Variants in RGS5 observed in about 807,000 individuals in gnomAD.
RGS5 encodes the protein regulator of G protein signaling 5.
In RGS5, 20 loss-of-function variants were observed where a neutral mutation model predicts 18.9. That is an observed-to-expected ratio of 1.06 (90% confidence interval 0.74 to 1.54). RGS5 has a LOEUF of 1.54. RGS5 is among the 40% of genes most tolerant of loss of function. The probability of loss-of-function intolerance (pLI) is 0.00; values close to 1 mark genes in which losing one functional copy is unlikely to be tolerated. For synonymous variants in RGS5, 57 were observed against 76.2 expected (o/e 0.75, Z 1.31); for missense variants, 201 against 211.8 (o/e 0.95, Z 0.32).
chr1:163,262,114 G>A (rs1388813664), intron 2 of RGS5, among the ~76,000 whole-genome samples: 4 of 144,682 alleles, frequency 2.8e-5, no homozygotes, highest in Admixed American at 2.8e-4. Context: ...GCCAGTCTAT[G>A]TTCTGGGAGA....
At chr1:163,276,196 G>A (rs897062941) in intron 2 of RGS5, among the ~76,000 whole-genome samples, 2 of 152,036 alleles carry the variant, frequency 1.3e-5, no homozygotes, top group African/African-American at 4.8e-5. Flanking sequence ...GTTTCTCCAT[G>A]TTGGTCAGGC....
At chr1:163,291,221 T>C (rs1486455343) in intron 2 of RGS5, among the ~76,000 whole-genome samples, 1 of 152,158 alleles carries the variant, frequency 6.6e-6, no homozygotes, top group Non-Finnish European at 1.5e-5. Context: ...TTTTATTTAA[T>C]GTGTTGTGAA....
chr1:163,233,589 C>T (rs1647538501), intron 2 of RGS5, among the ~76,000 whole-genome samples: 1 of 152,178 alleles, frequency 6.6e-6, no homozygotes, highest in South Asian at 2.1e-4. Flanking sequence ...TTTTAATCAC[C>T]TGGGTGCAGA....
chr1:163,267,524 A>G (rs1195675319), intron 2 of RGS5, among the ~76,000 whole-genome samples: 1 of 152,112 alleles, frequency 6.6e-6, no homozygotes, highest in Non-Finnish European at 1.5e-5. Flanking sequence ...TCATGTCTAT[A>G]TGTCATCCAA....
intron 1 of RGS5, among the ~76,000 whole-genome samples, chr1:163,184,628 G>A (rs1037644696): frequency 2.0e-5 from 3 of 152,082 alleles, no homozygotes; most frequent in Non-Finnish European, 4.4e-5. Context: ...ATCTAAGTTG[G>A]CCCAATATAA....
At chr1:163,290,133 T>G (rs1053669369) in intron 2 of RGS5, among the ~76,000 whole-genome samples, 3 of 152,144 alleles carry the variant, frequency 2.0e-5, no homozygotes, top group Non-Finnish European at 4.4e-5. Flanking sequence ...CTGACCAATC[T>G]CTCATGCCCT....
At chr1:163,238,985 T>C (rs1647712088) in intron 2 of RGS5, 1 of 217,434 alleles carries the variant, frequency 4.6e-6, no homozygotes, top group African/African-American at 2.3e-5. Flanking sequence ...CAAGACTTCA[T>C]TATAGGTTCC....
upstream of RGS5, among the ~76,000 whole-genome samples, chr1:163,220,465 G>A (rs10047150): frequency 0.55 from 83,257 of 151,932 alleles, 23,006 homozygotes; most frequent in Non-Finnish European, 0.6. Flanking sequence ...TCAATCTGCA[G>A]TAGCTCCTCT....
chr1:163,274,578 G>C (rs1428242164), intron 2 of RGS5, among the ~76,000 whole-genome samples: 1 of 152,156 alleles, frequency 6.6e-6, no homozygotes, highest in African/African-American at 2.4e-5. Flanking sequence ...CCTGGGGATG[G>C]ATGTGGGAAC....
chr1:163,161,792 A>G (rs187928307), intron 3 of RGS5, 123 bp downstream of exon 3: 1 of 710,078 alleles, frequency 1.4e-6, no homozygotes, highest in Admixed American at 2.2e-5. Flanking sequence ...CCTTATTGAT[A>G]TCACCTTCAA....
At chr1:163,214,350 G>T (rs561571887) in intron 1 of RGS5, among the ~76,000 whole-genome samples, 138 of 152,168 alleles carry the variant, frequency 9.1e-4, no homozygotes, top group African/African-American at 3.2e-3. Flanking sequence ...TTGCTGAAAT[G>T]ACTATCTCAT....
intron 3 of RGS5, among the ~76,000 whole-genome samples, chr1:163,158,732 G>T (rs1272827426): frequency 6.6e-6 from 1 of 152,078 alleles, no homozygotes; most frequent in Non-Finnish European, 1.5e-5. Flanking sequence ...CACAGGACCG[G>T]GGTGAAATTA....
intron 2 of RGS5, among the ~76,000 whole-genome samples, chr1:163,281,763 C>T (rs1469770714): frequency 6.6e-6 from 1 of 152,086 alleles, no homozygotes; most frequent in East Asian, 1.9e-4. Flanking sequence ...CAAATAAATC[C>T]ATGTTTGTAC....
chr1:163,217,668 T>C, upstream of RGS5: 2 of 1,488,740 alleles, frequency 1.3e-6, no homozygotes, highest in Non-Finnish European at 1.8e-6. Flanking sequence ...GAATTTGTTT[T>C]GGGAAACAAT....
intron 2 of RGS5, among the ~76,000 whole-genome samples, chr1:163,265,680 T>C (rs1174908747): frequency 2.0e-5 from 3 of 152,168 alleles, no homozygotes; most frequent in African/African-American, 7.2e-5. Flanking sequence ...TCTGTTCCCA[T>C]TATCCTTTGG....
At chr1:163,266,216 C>G (rs999398747) in intron 2 of RGS5, among the ~76,000 whole-genome samples, 1 of 152,148 alleles carries the variant, frequency 6.6e-6, no homozygotes, top group African/African-American at 2.4e-5. Context: ...TCACTCTAAT[C>G]TCCTCCCTAC....
chr1:163,146,467 A>G lies in RGS5; in HGVS notation c.*875T>C, dbSNP rs574484364. ...GATATTTAGGTGGGAGACTACTCCA[A>G]TGGAGCAACAGTTTCATTTTACATG... is the stretch of plus-strand genomic sequence containing the variant. On this transcript the variant is annotated 3_prime_UTR_variant, in exon 5 of 5. Transcript: ENST00000313961. The G allele has an allele frequency of 1.1e-4, 17 of 152,318 alleles. No individual in the cohort carries two copies. The South Asian group carries it at 1.2e-3, about 11-fold the overall frequency. 9.4% of individuals were successfully genotyped at this position (152,318 alleles called of 1,614,324 possible).
At chr1:163,152,357 G>T (rs538738398) in intron 4 of RGS5, 193 bp downstream of exon 4, 33 of 472,000 alleles carry the variant, frequency 7.0e-5, no homozygotes, top group Middle Eastern at 5.0e-4. Context: ...ACTAGAAAGC[G>T]GTCTGAACAG....
chr1:163,262,768 C>T (rs1267775280), intron 2 of RGS5, among the ~76,000 whole-genome samples: 2 of 150,374 alleles, frequency 1.3e-5, no homozygotes, highest in Non-Finnish European at 3.0e-5. Flanking sequence ...GTTTACAGTC[C>T]CACCAACAGT....
Sources: gnomAD v4.1 joint callset for allele counts (sites outside exome capture counted in the v4.1 genomes callset) on GRCh38, gnomAD v4.1.1 for gene constraint, MANE v1.5 for transcripts, NCBI Gene and HGNC (gene_info 2026-07-23, HGNC 2026-07-21) for gene names.